SYNE2: variants seen among roughly 807,000 people sequenced by gnomAD.
SYNE2 encodes the protein nesprin-2.
Under a neutral mutation model 856.3 loss-of-function variants are expected in SYNE2, and 431 were observed. The observed-to-expected ratio is 0.50, with a 90% CI of 0.47 to 0.55. The LOEUF (loss-of-function observed/expected upper bound fraction) is 0.55. Among genes scored for constraint, SYNE2 ranks in the 20% least tolerant of loss-of-function variants. The probability of loss-of-function intolerance (pLI) is 0.00; values close to 1 mark genes in which losing one functional copy is unlikely to be tolerated. For missense variants in SYNE2, 8,129 were observed against 8,023.2 expected (o/e 1.01, Z -0.50); for synonymous variants, 2,923 against 2,872.3 (o/e 1.02, Z -0.56).
intron 65 of SYNE2, 198 bp from the exon 66 acceptor site, chr14:64,113,143 A>G (rs975866788): frequency 2.0e-6 from 2 of 985,254 alleles, no homozygotes; most frequent in African/African-American, 3.5e-5. Flanking sequence ...TTACTCGCAG[A>G]TCGGCTGCTT....
Position 64,031,010 on chromosome 14 carries a change from T to G in SYNE2, c.6880-6T>G. On this transcript the variant is annotated splice_polypyrimidine_tract_variant and splice_region_variant and intron_variant, in intron 44 of 115. Transcript: ENST00000555002. ...GGAGATATAACAATCTTTTCTCCAC[T>G]CGTAGGAACTAGAGAATAGACTCAG... 6.2e-7 allele frequency: 1 copy of G among 1,608,886 alleles called. No individual in the cohort carries two copies. The highest frequency in any genetic ancestry group is 8.5e-7 in the Non-Finnish European group (1 of 1,175,592).
intron 1 of SYNE2, among the ~76,000 whole-genome samples, chr14:63,836,692 G>A (rs1303766403): frequency 6.6e-6 from 1 of 152,112 alleles, no homozygotes; most frequent in African/African-American, 2.4e-5. Flanking sequence ...TCTCTTGCCT[G>A]AATTATTGCA....
upstream of SYNE2, among the ~76,000 whole-genome samples, chr14:63,852,020 G>C (rs1385662446): frequency 1.0e-5 from 1 of 95,664 alleles, no homozygotes; most frequent in Non-Finnish European, 2.2e-5. Flanking sequence ...TGGGGGGGGG[G>C]GGTTGAGGCT....
At chr14:64,055,516 G>A (rs1185720531) in intron 48 of SYNE2, among the ~76,000 whole-genome samples, 4 of 151,456 alleles carry the variant, frequency 2.6e-5, no homozygotes, top group Non-Finnish European at 4.4e-5. Flanking sequence ...CTACAGGCGC[G>A]CGCCACCACA....
intron 2 of SYNE2, among the ~76,000 whole-genome samples, chr14:63,909,806 A>C (rs2153352638): frequency 6.6e-6 from 1 of 152,352 alleles, no homozygotes; most frequent in East Asian, 1.9e-4. Flanking sequence ...GTGCCATTGC[A>C]TTCCAGCCTG....
At chr14:64,183,590 G>A (rs1488760703) in intron 96 of SYNE2, among the ~76,000 whole-genome samples, 1 of 152,162 alleles carries the variant, frequency 6.6e-6, no homozygotes, top group East Asian at 1.9e-4. Flanking sequence ...GTTGTAGCGA[G>A]CCGAGATCAC....
At chr14:63,887,246 A>G (rs998973286) in intron 1 of SYNE2, among the ~76,000 whole-genome samples, 11 of 152,142 alleles carry the variant, frequency 7.2e-5, no homozygotes, top group Admixed American at 7.2e-4. Flanking sequence ...GCACCACTGC[A>G]TTCCAGCTGG....
chr14:64,129,900 A>T lies in SYNE2; in HGVS notation c.14138A>T (p.Glu4713Val). 1 of 1,614,120 alleles carries T rather than the reference A, an allele frequency of 6.2e-7. No individual in the cohort carries two copies. Among genetic ancestry groups the T allele is most frequent in the Non-Finnish European group, 8.5e-7 (1 of 1,180,014 alleles). The change falls in exon 75 of 116, where the codon GAG becomes GTG. Residue 4713 changes from glutamate (E) to valine (V), a missense_variant and splice_region_variant. By Grantham distance (121) the Glu-to-Val change is moderately radical. Transcript: ENST00000555002. The part of the protein sequence containing the change: ...YALLQEVYKL[E>V]DVLDSMWGML... ...TTACTCCAGGAGGTTTACAAATTAG[A>T]GGTATGCCTGAGCAGAAAACATTGA...
chr14:63,970,744 C>G (rs2096464290), intron 11 of SYNE2, among the ~76,000 whole-genome samples: 2 of 148,170 alleles, frequency 1.3e-5, no homozygotes, highest in Non-Finnish European at 1.5e-5. Context: ...ACCTCTGCCT[C>G]CGGGTTCGAG....
At chr14:64,149,302 A>G (rs1389268545) in intron 84 of SYNE2, among the ~76,000 whole-genome samples, 1 of 152,136 alleles carries the variant, frequency 6.6e-6, no homozygotes, top group Non-Finnish European at 1.5e-5. Context: ...CATCTCTAAA[A>G]AAACAAAACA....
chr14:64,016,821 T>C, intron 33 of SYNE2, among the ~76,000 whole-genome samples, 190 bp downstream of exon 33: 1 of 152,206 alleles, frequency 6.6e-6, no homozygotes, highest in East Asian at 1.9e-4. Context: ...CTTGTACATA[T>C]AGAAATACAT....
Position 64,081,542 on chromosome 14 carries a change from T to C in SYNE2, c.11446T>C (p.Ser3816Pro), listed in dbSNP as rs1275396888. 5 of 1,614,076 alleles carry C rather than the reference T, an allele frequency of 3.1e-6. No homozygotes were observed. The highest frequency in any genetic ancestry group is 2.2e-5 in the South Asian group (2 of 91,090). ...GCTGGCCAATCCTGCTGACTATGAC[T>C]CTTTGAGGACACTGAGTCACCATGC... ...HLLANPADYD[S>P]LRTLSHHAST... Residue 3816 changes from serine to proline, a missense_variant, in exon 57 of 116, where the codon TCT (serine) becomes CCT (proline). By Grantham distance (74) the Ser-to-Pro change is moderately conservative (BLOSUM62 -1). This residue lies in a region of SYNE2 where 5,410 missense variants were observed against 5,284.8 expected (regional missense o/e 1.02). Coordinates refer to ENST00000555002, the MANE Select transcript of SYNE2 (RefSeq NM_182914.3).
intron 1 of SYNE2, among the ~76,000 whole-genome samples, chr14:63,792,787 G>A (rs1887781847): frequency 5.9e-5 from 9 of 151,744 alleles, no homozygotes; most frequent in Admixed American, 4.6e-4. Context: ...TCACCTGATC[G>A]TCCCACCTCA....
chr14:64,134,095 T>C lies in SYNE2; in HGVS notation c.14541T>C (p.Tyr4847=). ...AATGGGAAGAATTTGATGAAAACTA[T>C]GCATCTCTTGAAAAGGACCTGGAAA... is the stretch of plus-strand genomic sequence containing the variant. ...LQKWEEFDEN[Y]ASLEKDLEIL... Residue 4847 remains tyrosine, a synonymous_variant, in exon 78 of 116, where the codon TAT becomes TAC. Transcript: ENST00000555002. 2 of 1,614,150 alleles carry C rather than the reference T, an allele frequency of 1.2e-6. No homozygotes were observed. The highest frequency in any genetic ancestry group is 2.2e-5 in the East Asian group (1 of 44,876).
intron 1 of SYNE2, among the ~76,000 whole-genome samples, chr14:63,891,192 G>A (rs945384407): frequency 6.6e-6 from 1 of 152,176 alleles, no homozygotes; most frequent in Non-Finnish European, 1.5e-5. Flanking sequence ...AGTGGCTGGA[G>A]GCCCTGCCAA....
chr14:63,878,008 C>G (rs1049678275), intron 1 of SYNE2, among the ~76,000 whole-genome samples: 1 of 152,040 alleles, frequency 6.6e-6, no homozygotes, highest in Non-Finnish European at 1.5e-5. Flanking sequence ...CCACCTTAGC[C>G]TCCCTTGAGT....
intron 10 of SYNE2, among the ~76,000 whole-genome samples, chr14:63,966,144 C>G (rs1430181873): frequency 6.6e-6 from 1 of 151,898 alleles, no homozygotes; most frequent in African/African-American, 2.4e-5. Context: ...AGAGGTTGGC[C>G]CATTTTGTGA....
chr14:64,126,272 G>C (rs971428421), intron 71 of SYNE2, 55 bp from the exon 72 acceptor site: 1 of 1,512,236 alleles, frequency 6.6e-7, no homozygotes, highest in Admixed American at 1.7e-5. Context: ...CAAAATATAG[G>C]TCTAGGAAGG....
intron 2 of SYNE2, among the ~76,000 whole-genome samples, chr14:63,930,724 C>T (rs1420655197): frequency 6.6e-6 from 1 of 152,016 alleles, no homozygotes; most frequent in Non-Finnish European, 1.5e-5. Context: ...TTAGTAGAGA[C>T]AGGGTTTCAC....
Sources: allele counts gnomAD v4.1 joint callset (sites outside exome capture counted in the v4.1 genomes callset), GRCh38; gene constraint gnomAD v4.1.1; regional missense constraint gnomAD v4.1.1; transcripts MANE v1.5; gene names NCBI Gene and HGNC (gene_info 2026-07-23, HGNC 2026-07-21).